C8orf34: variants seen among roughly 807,000 people sequenced by gnomAD.
C8orf34 encodes uncharacterized protein C8orf34.
In C8orf34, 65 loss-of-function variants were observed where a neutral mutation model predicts 68.3. The observed-to-expected ratio is 0.95, with a 90% CI of 0.78 to 1.17. The LOEUF is 1.17. Among genes scored for constraint, C8orf34 ranks in the 50% most tolerant of loss-of-function variants. C8orf34 has a pLI of 0.00. For synonymous variants in C8orf34, 244 were observed against 241.2 expected, an observed-to-expected ratio of 1.01 and a Z score of -0.11; for missense variants, 664 against 655.4, an observed-to-expected ratio of 1.01 and a Z score of -0.14.
chr8:68,512,107 C>T (rs1417490620), intron 5 of C8orf34, among the ~76,000 whole-genome samples: 1 of 152,094 alleles, frequency 6.6e-6, no homozygotes, highest in Non-Finnish European at 1.5e-5. Context: ...AGGATTAAAA[C>T]AAGACAATAA....
At chr8:68,390,268 T>C (rs1808427881) in intron 1 of C8orf34, among the ~76,000 whole-genome samples, 1 of 152,128 alleles carries the variant, frequency 6.6e-6, no homozygotes, top group African/African-American at 2.4e-5. Flanking sequence ...TTGGGTTGCA[T>C]GTCTGAGTTG....
intron 1 of C8orf34, among the ~76,000 whole-genome samples, chr8:68,358,616 A>G (rs1415618986): frequency 6.6e-6 from 1 of 151,632 alleles, no homozygotes; most frequent in African/African-American, 2.4e-5. Context: ...ACACATCTTC[A>G]TCATGGACCA....
chr8:68,545,200 C>T (rs1286900135), intron 7 of C8orf34, among the ~76,000 whole-genome samples: 3 of 151,986 alleles, frequency 2.0e-5, no homozygotes, highest in East Asian at 1.9e-4. Flanking sequence ...ATACTGTTCC[C>T]GTGGTAGTGA....
chr8:68,528,868 C>T (rs1273827111), intron 6 of C8orf34, among the ~76,000 whole-genome samples: 1 of 152,194 alleles, frequency 6.6e-6, no homozygotes, highest in Non-Finnish European at 1.5e-5. Flanking sequence ...CCATAAGCTT[C>T]CTCCAGCAGA....
At chr8:68,390,168 G>A (rs1474461880) in intron 1 of C8orf34, among the ~76,000 whole-genome samples, 1 of 152,036 alleles carries the variant, frequency 6.6e-6, no homozygotes, top group African/African-American at 2.4e-5. Context: ...GGATGCAGTG[G>A]GCATACACTT....
intron 5 of C8orf34, among the ~76,000 whole-genome samples, chr8:68,517,882 GAATT>G (rs1474219356): frequency 6.6e-6 from 1 of 152,062 alleles, no homozygotes; most frequent in Admixed American, 6.5e-5. Flanking sequence ...TAATAACATT[GAATT>G]AATTATTCAA....
At chr8:68,520,692 T>G (rs1446099403) in intron 5 of C8orf34, among the ~76,000 whole-genome samples, 2 of 151,650 alleles carry the variant, frequency 1.3e-5, no homozygotes, top group Admixed American at 6.6e-5. Flanking sequence ...CTTGATCTCC[T>G]GACCTCGTTA....
At chr8:68,701,983 ATGAAGTTGTACAC>A (rs902426550) in intron 8 of C8orf34, among the ~76,000 whole-genome samples, 10 of 151,974 alleles carry the variant, frequency 6.6e-5, no homozygotes, top group Non-Finnish European at 1.5e-4. Context: ...GACACACACT[ATGAAGTTGTACAC>A]TGCCCCTCCC....
At chr8:68,746,142 A>G (rs1222034122) in intron 10 of C8orf34, among the ~76,000 whole-genome samples, 2 of 152,346 alleles carry the variant, frequency 1.3e-5, no homozygotes, top group South Asian at 2.1e-4. Context: ...ACTACTGGGT[A>G]CATAACGAAA....
chr8:68,795,358 A>G (rs1200738534), intron 12 of C8orf34, among the ~76,000 whole-genome samples: 1 of 148,998 alleles, frequency 6.7e-6, no homozygotes, highest in African/African-American at 2.5e-5. Context: ...ATGGGCCACA[A>G]TTTCTTGTTT....
chr8:68,720,586 C>G (rs1042854354), intron 9 of C8orf34, among the ~76,000 whole-genome samples: 2 of 150,032 alleles, frequency 1.3e-5, no homozygotes, highest in Non-Finnish European at 3.0e-5. Context: ...AAATACCTTT[C>G]TCTTAACTGA....
intron 4 of C8orf34, 48 bp from the exon 5 acceptor site, chr8:68,487,975 A>C: frequency 7.6e-7 from 1 of 1,323,672 alleles, no homozygotes; most frequent in Non-Finnish European, 1.1e-6. Flanking sequence ...TTAGGTTACT[A>C]AAGATTGCTT....
chr8:68,369,571 G>C (rs372634274), intron 1 of C8orf34, among the ~76,000 whole-genome samples: 7 of 152,278 alleles, frequency 4.6e-5, no homozygotes, highest in Admixed American at 3.3e-4. Flanking sequence ...TGAGCTACCT[G>C]ACATGTAACT....
chr8:68,638,904 A>G (rs950082636), intron 7 of C8orf34, among the ~76,000 whole-genome samples: 1 of 152,134 alleles, frequency 6.6e-6, no homozygotes, highest in Non-Finnish European at 1.5e-5. Flanking sequence ...GGCAGTTCTT[A>G]AAAATACTGA....
chr8:68,736,200 A>G (rs970264717), intron 10 of C8orf34, among the ~76,000 whole-genome samples: 1 of 152,264 alleles, frequency 6.6e-6, no homozygotes, highest in Non-Finnish European at 1.5e-5. Flanking sequence ...TCGACTTTTG[A>G]TGTGTTTTCA....
chr8:68,358,808 T>A (rs976876826), intron 1 of C8orf34, among the ~76,000 whole-genome samples: 1 of 151,880 alleles, frequency 6.6e-6, no homozygotes, highest in Non-Finnish European at 1.5e-5. Flanking sequence ...CGGGTTCAAG[T>A]GATTCTTGTG....
intron 8 of C8orf34, among the ~76,000 whole-genome samples, chr8:68,665,770 C>T (rs566164942): frequency 1.3e-5 from 2 of 152,276 alleles, no homozygotes; most frequent in South Asian, 4.1e-4. Flanking sequence ...ATGACCCCAA[C>T]CCTGTTACAC....
At chr8:68,551,531 C>G (rs1816070794) in intron 7 of C8orf34, among the ~76,000 whole-genome samples, 1 of 152,032 alleles carries the variant, frequency 6.6e-6, no homozygotes, top group South Asian at 2.1e-4. Context: ...TGTTTCCTCT[C>G]TCTTCAGGCT....
At chr8:68,423,959 CA>C (rs1262867179) in intron 1 of C8orf34, among the ~76,000 whole-genome samples, 3 of 152,138 alleles carry the variant, frequency 2.0e-5, no homozygotes, top group African/African-American at 7.2e-5. Context: ...AAACTGCCCC[CA>C]TGATCTGATT....
Sources: gnomAD v4.1 joint callset for allele counts (sites outside exome capture counted in the v4.1 genomes callset) on GRCh38, gnomAD v4.1.1 for gene constraint, MANE v1.5 for transcripts, NCBI Gene and HGNC (gene_info 2026-07-23, HGNC 2026-07-21) for gene names.